The following ZNF839 variants were observed in gnomAD, a reference collection of about 807,000 sequenced individuals.
ZNF839 encodes the protein zinc finger protein 839.
ZNF839 carries 38 observed loss-of-function variants against 56.4 expected under a neutral mutation model. The ratio of observed to expected loss-of-function variants is 0.67; its 90% CI spans 0.52 to 0.88. The LOEUF is 0.88. Ranked by LOEUF, ZNF839 falls within the 40% of genes least tolerant of loss-of-function variation. The pLI, the probability that ZNF839 is intolerant of heterozygous loss-of-function variation, is 0.00. For synonymous variants in ZNF839, 486 were observed against 493.5 expected (o/e 0.98, Z 0.20); for missense variants, 1,091 against 1,177.6 (o/e 0.93, Z 1.08).
chr14:102,319,440 A>C (rs2073000429), upstream of ZNF839: 2 of 215,134 alleles, frequency 9.3e-6, no homozygotes, highest in Non-Finnish European at 1.8e-5. The surrounding 1 kb of genome is among the most constrained non-coding windows in gnomAD (Gnocchi z 4.5). Flanking sequence ...ACACTTGGAT[A>C]TTGTGGTAAC....
chr14:102,327,007 G>C, intron 2 of ZNF839, 120 bp downstream of exon 2: 2 of 1,154,526 alleles, frequency 1.7e-6, no homozygotes, highest in Non-Finnish European at 2.4e-6. Flanking sequence ...TCCATAGACT[G>C]TACAGGAAGC....
In ZNF839 at chr14:102,326,704, A is replaced by T. The variant is rs548734793; in HGVS notation, c.1008A>T (p.Pro336=). The change falls in exon 2 of 8, where the codon CCA becomes CCT. Residue 336 remains proline, a synonymous_variant. Transcript: ENST00000442396. This position sits in a 1 kb window ranked among gnomAD's most constrained non-coding sequence, Gnocchi z 4.3. ...GGLARHFKLN[P]GHGQLDPEMV... Reference sequence around the variant, plus strand: ...TGGCCCGACATTTTAAACTTAACCCAGGCCACGGCCAGTTGGACCCCGAGA... The same window carrying T: ...TGGCCCGACATTTTAAACTTAACCCTGGCCACGGCCAGTTGGACCCCGAGA... 14 of 1,612,682 alleles carry T rather than the reference A, an allele frequency of 8.7e-6. No homozygotes were observed. Among genetic ancestry groups the T allele is most frequent in the Non-Finnish European group, 1.2e-5 (14 of 1,179,482 alleles).
At chr14:102,333,549 C>T (rs1369398700) in intron 3 of ZNF839, among the ~76,000 whole-genome samples, 3 of 152,116 alleles carry the variant, frequency 2.0e-5, no homozygotes, top group African/African-American at 7.2e-5. Context: ...AGGCGTGAGC[C>T]ACTGCGTCTG....
intron 1 of ZNF839, among the ~76,000 whole-genome samples, chr14:102,321,111 C>T (rs1421453078): frequency 6.6e-6 from 1 of 152,192 alleles, no homozygotes; most frequent in Non-Finnish European, 1.5e-5. Context: ...GTGATTCTGT[C>T]CAGATGCCAC....
chr14:102,341,662 CAG>C lies in ZNF839; in HGVS notation c.2270_2271del (p.Glu757ValfsTer20). Reference sequence around the variant, plus strand: ...AGCCCTTTGTCATCTGGTGGTGGAGCAGAGTCCCTGCCGCCTGGGGGGCCTGG... The same window carrying C: ...AGCCCTTTGTCATCTGGTGGTGGAGCAGTCCCTGCCGCCTGGGGGGCCTGG... On this transcript the variant is annotated frameshift_variant, in exon 8 of 8. Transcript: ENST00000442396. LOFTEE classifies it low-confidence loss of function (END_TRUNC). 1 of 1,613,988 alleles carries C rather than the reference CAG, an allele frequency of 6.2e-7. No homozygotes were observed. Among genetic ancestry groups the C allele is most frequent in the East Asian group, 2.2e-5 (1 of 44,888 alleles).
Position 102,335,817 on chromosome 14 carries a change from C to T in ZNF839, c.1638C>T (p.Thr546=). ...GTTCTGGTCTGTGTTCCCAGGAGAC[C>T]CTGGAAATAAACAATGATAAGGTAA... is the stretch of plus-strand genomic sequence containing the variant. ...LSSSGLCSQE[T]LEINNDKVAE... is the part of the protein sequence containing the mutation. The change falls in exon 5 of 8, where the codon ACC becomes ACT. Residue 546 remains threonine (T), a synonymous_variant. Transcript: ENST00000442396. 6.2e-7 allele frequency: 1 copy of T among 1,609,688 alleles called. No individual in the cohort carries two copies. Among genetic ancestry groups the T allele is most frequent in the Non-Finnish European group, 8.5e-7 (1 of 1,179,780 alleles).
chr14:102,327,620 C>T (rs72635190), intron 2 of ZNF839, among the ~76,000 whole-genome samples: 28,057 of 152,098 alleles, frequency 0.18, 3,783 homozygotes, highest in African/African-American at 0.36. Flanking sequence ...CAAATCAGTC[C>T]CAGTTCCTGC....
intron 5 of ZNF839, chr14:102,336,547 A>C (rs573503015): frequency 1.1e-5 from 4 of 357,954 alleles, no homozygotes; most frequent in South Asian, 8.5e-5. Flanking sequence ...TGCCTGCCTC[A>C]GCCTCCCAAA....
intron 7 of ZNF839, among the ~76,000 whole-genome samples, chr14:102,340,298 G>A (rs967126945): frequency 7.7e-5 from 11 of 143,092 alleles, no homozygotes; most frequent in Non-Finnish European, 1.7e-4. Context: ...TTGAGATGGA[G>A]TCTTGCTCTG....
At chr14:102,337,671 G>A (rs779482059) in intron 5 of ZNF839, 1 of 152,236 alleles carries the variant, frequency 6.6e-6, no homozygotes, top group South Asian at 2.1e-4. Flanking sequence ...CTCAGACTGT[G>A]CCATCGCCTC....
rs1283986510 is a variant in ZNF839, at chr14:102,326,073, A to T, written c.377A>T (p.Gln126Leu). The change falls in exon 2 of 8, where the codon CAA becomes CTA. Residue 126 changes from glutamine to leucine, a missense_variant. Coordinates refer to ENST00000442396, the MANE Select transcript of ZNF839 (RefSeq NM_018335.6). This position sits in a 1 kb window ranked among gnomAD's most constrained non-coding sequence, Gnocchi z 4.3. The part of the protein sequence containing the change: ...PMLLPTTIQP[Q>L]TARKSQLPRG... ...CTCCTACCGACCACAATCCAGCCCC[A>T]AACTGCAAGAAAGAGCCAGCTGCCC... 1 of 1,613,736 alleles carries T rather than the reference A, an allele frequency of 6.2e-7. No homozygotes were observed. The highest frequency in any genetic ancestry group is 8.5e-7 in the Non-Finnish European group (1 of 1,179,834).
intron 7 of ZNF839, among the ~76,000 whole-genome samples, chr14:102,340,157 G>A (rs1228700943): frequency 1.3e-5 from 2 of 151,456 alleles, no homozygotes; most frequent in Non-Finnish European, 2.9e-5. Context: ...TTGTATTTTT[G>A]TAGAGATGGG....
chr14:102,320,018 G>C lies in ZNF839; in HGVS notation c.253G>C (p.Glu85Gln). The C allele has an allele frequency of 8.5e-7, 1 of 1,174,582 alleles. No homozygotes were observed. Among genetic ancestry groups the C allele is most frequent in the African/African-American group, 1.6e-5 (1 of 62,198 alleles). 72.8% of individuals were successfully genotyped at this position (1,174,582 alleles called of 1,614,324 possible). The part of the protein sequence containing the change: ...QAALQRGRGT[E>Q]PPRLPRLLPP... The stretch of plus-strand genomic sequence containing the variant: ...CGCCCTGCAGCGGGGCCGGGGCACC[G>C]AGCCCCCGCGCCTGCCGCGCCTGCT... Residue 85 changes from glutamate to glutamine, a missense_variant, in exon 1 of 8, where the codon GAG becomes CAG. Coordinates refer to ENST00000442396, the MANE Select transcript of ZNF839 (RefSeq NM_018335.6).
rs750915830 is a variant in ZNF839 at position 102,338,963 on chromosome 14, G to A, written c.1797+10G>A. On this transcript the variant is annotated intron_variant, in intron 6 of 7. Transcript: ENST00000442396. ...GAAGAGGGAACGTGAGGTGGGCATG[G>A]CTGAAGTGGGTGCCAGGTGACTGTG... 1.9e-6 allele frequency: 3 copies of A among 1,614,026 alleles called. No individual in the cohort carries two copies. The South Asian group carries it at 3.3e-5, about 18-fold the overall frequency.
Position 102,342,212 on chromosome 14 carries a change from G to A in ZNF839, c.*33G>A, listed in dbSNP as rs375672028. On this transcript the variant is annotated 3_prime_UTR_variant, in exon 8 of 8. Transcript: ENST00000442396. ...TCCTCTAGAAGCTGTGGAGTCGGTC[G>A]TCACCGTGGAGCCAGAGCCCTCACA... 5.8e-6 allele frequency: 9 copies of A among 1,551,930 alleles called. No homozygotes were observed. Among genetic ancestry groups the A allele is most frequent in the African/African-American group, 4.3e-5 (3 of 70,072 alleles).
chr14:102,337,358 A>C (rs920929094), intron 5 of ZNF839: 1 of 151,494 alleles, frequency 6.6e-6, no homozygotes, highest in African/African-American at 2.4e-5. Context: ...TAGTAGAGAC[A>C]GGGTTTCACC....
intron 1 of ZNF839, among the ~76,000 whole-genome samples, chr14:102,324,648 A>G (rs1597710797): frequency 6.6e-6 from 1 of 152,142 alleles, no homozygotes; most frequent in African/African-American, 2.4e-5. Context: ...TTGTGGTGGC[A>G]CTCCAGCCTG....
At chr14:102,330,005 G>C (rs957949703) in intron 2 of ZNF839, among the ~76,000 whole-genome samples, 4 of 151,780 alleles carry the variant, frequency 2.6e-5, no homozygotes, top group African/African-American at 9.7e-5. Flanking sequence ...ATGTTGGCCA[G>C]GCTGGTCTTG....
intron 3 of ZNF839, 87 bp downstream of exon 3, chr14:102,331,933 G>A: frequency 9.0e-7 from 1 of 1,113,042 alleles, no homozygotes; most frequent in Non-Finnish European, 1.3e-6. Context: ...CACCTAAGCA[G>A]TTCACCTGAA....
Sources: gnomAD v4.1 joint callset for allele counts (sites outside exome capture counted in the v4.1 genomes callset) on GRCh38, gnomAD v4.1.1 for gene constraint, Gnocchi (gnomAD v3.1) non-coding constraint, MANE v1.5 for transcripts, NCBI Gene and HGNC (gene_info 2026-07-23, HGNC 2026-07-21) for gene names.